Variants in ELP1 observed in about 807,000 individuals in gnomAD.
ELP1 encodes elongator acetyltransferase complex subunit 1.
ELP1 carries 131 observed loss-of-function variants against 183.2 expected under a neutral mutation model. The ratio of observed to expected loss-of-function variants is 0.72; its 90% CI spans 0.62 to 0.83. The LOEUF (loss-of-function observed/expected upper bound fraction) is 0.83, where lower values mean the gene tolerates loss of function less well. Ranked by LOEUF, ELP1 falls within the 40% of genes least tolerant of loss-of-function variation. The pLI is 0.00. For missense variants in ELP1, 1,550 were observed against 1,594.9 expected (o/e 0.97, Z 0.48); for synonymous variants, 555 against 569.0 (o/e 0.98, Z 0.35).
At chr9:108,916,785 G>A (rs1218243407) in intron 9 of ELP1, among the ~76,000 whole-genome samples, 1 of 152,100 alleles carries the variant, frequency 6.6e-6, no homozygotes. Flanking sequence ...GCAAAATGTT[G>A]GTATCTACTG....
chr9:108,931,382 T>G (rs188802056), intron 1 of ELP1, among the ~76,000 whole-genome samples, 181 bp from the exon 2 acceptor site: 11 of 152,232 alleles, frequency 7.2e-5, no homozygotes, highest in Non-Finnish European at 1.6e-4. Context: ...TATACAGTTA[T>G]GGTCTACAAA....
At chr9:108,921,774 A>G (rs1463011757) in intron 6 of ELP1, among the ~76,000 whole-genome samples, 1 of 152,232 alleles carries the variant, frequency 6.6e-6, no homozygotes, top group African/African-American at 2.4e-5. Flanking sequence ...AATTAGACCC[A>G]CTATGCATAT....
intron 29 of ELP1, among the ~76,000 whole-genome samples, chr9:108,883,987 G>T (rs1183078391): frequency 6.6e-6 from 1 of 151,332 alleles, no homozygotes; most frequent in Non-Finnish European, 1.5e-5. Flanking sequence ...GACAGAGATT[G>T]TCAAATTAGA....
chr9:108,869,270 C>T, intron 36 of ELP1, 88 bp from the exon 37 acceptor site: 1 of 1,101,692 alleles, frequency 9.1e-7, no homozygotes, highest in South Asian at 1.2e-5. Context: ...ACAAACTAGG[C>T]AGGTGGAGTT....
Position 108,872,808 on chromosome 9 carries a change from A to G in ELP1, c.3931+2087T>C, listed in dbSNP as rs1404989587. Among the ~76,000 whole-genome samples, 57 of 23,246 alleles carry G rather than the reference A, an allele frequency of 2.5e-3. No individual in the cohort carries two copies. The East Asian group carries it at 0.038, about 15-fold the overall frequency. The allele number at this position is 23,246 out of a possible 152,430, so 15.3% of individuals were successfully genotyped here. On this transcript the variant is annotated intron_variant, in intron 36 of 36. Transcript: ENST00000374647. ...CCACAGAGCAAGACTCTGTCTGAAA[A>G]AAAAAAAAAAAAAAAAAAAAAAAAA...
intron 16 of ELP1, among the ~76,000 whole-genome samples, chr9:108,902,551 C>T (rs146948849): frequency 5.9e-5 from 9 of 152,176 alleles, no homozygotes; most frequent in African/African-American, 2.2e-4. Context: ...ATTTCTGTTT[C>T]CCCTCCTAAA....
chr9:108,902,054 C>T (rs1477880242), intron 16 of ELP1, among the ~76,000 whole-genome samples: 1 of 152,196 alleles, frequency 6.6e-6, no homozygotes, highest in Non-Finnish European at 1.5e-5. Context: ...TATTAAAAAT[C>T]ACAAGAAGTT....
intron 20 of ELP1, among the ~76,000 whole-genome samples, chr9:108,899,489 T>C (rs1485094027): frequency 1.3e-5 from 2 of 152,152 alleles, no homozygotes; most frequent in African/African-American, 4.8e-5. Flanking sequence ...GTGGGCTTTC[T>C]ACTTGAATAA....
Position 108,922,847 on chromosome 9 carries a change from G to A in ELP1, c.547C>T (p.Gln183Ter). 1 of 1,612,432 alleles carries A rather than the reference G, an allele frequency of 6.2e-7. No homozygotes were observed. The highest frequency in any genetic ancestry group is 8.5e-7 in the Non-Finnish European group (1 of 1,178,540). The part of the protein sequence containing the change: ...SEGRQAAFQM[Q>*]MHESALPWDD... ...ATCCATCAAACCAAACTTACCATTT[G>A]CATCTGAAAAGCTGCTTGTCTGCCT... Residue 183 changes from glutamine to a stop codon, truncating the protein, a stop_gained, in exon 6 of 37, where the codon CAA (glutamine) becomes TAA (stop). Transcript: ENST00000374647. LOFTEE classifies it high-confidence loss of function.
chr9:108,874,769 T>C, intron 36 of ELP1, 126 bp downstream of exon 36: 1 of 727,302 alleles, frequency 1.4e-6, no homozygotes, highest in Admixed American at 1.9e-5. Flanking sequence ...GAGGAAGAAT[T>C]GTAGTCAATT....
chr9:108,911,360 C>T (rs957272109), intron 11 of ELP1, among the ~76,000 whole-genome samples, 180 bp from the exon 12 acceptor site: 2 of 152,118 alleles, frequency 1.3e-5, no homozygotes, highest in Non-Finnish European at 2.9e-5. Flanking sequence ...TGGGTTCTGT[C>T]CATAATTGGC....
rs3818875 is a variant in ELP1, at chr9:108,878,244, G to T, written c.3701-95C>A. ...TCTATCCAAAGCCAAAAATTTCTAT[G>T]ATCCCACTGCAGGTCCTTTCTCCCA... On this transcript the variant is annotated intron_variant, in intron 34 of 36. Transcript: ENST00000374647. 11 of 1,011,962 alleles carry T rather than the reference G, an allele frequency of 1.1e-5. No homozygotes were observed. The East Asian group carries it at 2.5e-4, about 23-fold the overall frequency. The allele number at this position is 1,011,962 out of a possible 1,614,324, so 62.7% of individuals were successfully genotyped here. A position where few individuals can be genotyped will look rare whatever the true frequency, so the allele number is the denominator to read the frequency against.
At chr9:108,916,718 A>G (rs564403903) in intron 9 of ELP1, among the ~76,000 whole-genome samples, 1 of 152,322 alleles carries the variant, frequency 6.6e-6, no homozygotes, top group South Asian at 2.1e-4. Flanking sequence ...AAATAAAAAT[A>G]TATGTAAGTA....
chr9:108,893,789 A>G (rs539301830), intron 26 of ELP1, among the ~76,000 whole-genome samples, 154 bp downstream of exon 26: 1 of 152,344 alleles, frequency 6.6e-6, no homozygotes, highest in Admixed American at 6.5e-5. Context: ...TTTTCAGAAC[A>G]CAGGACAAAA....
rs1037251158 is a variant in ELP1 at position 108,882,610 on chromosome 9, T to C, written c.3223-423A>G. On this transcript the variant is annotated intron_variant, in intron 29 of 36. Transcript: ENST00000374647. ...TTTTTTGTTCTTTTTTTTTTTTTTT[T>C]CTCAGACAGGGTCTCACTCTGTCGC... Among the ~76,000 whole-genome samples, 11 of 151,056 alleles carry C rather than the reference T, an allele frequency of 7.3e-5. No individual in the cohort carries two copies. The East Asian group carries it at 1.4e-3, about 19-fold the overall frequency.
At chr9:108,883,561 G>GAA (rs111243932) in intron 29 of ELP1, among the ~76,000 whole-genome samples, 158 of 144,140 alleles carry the variant, frequency 1.1e-3, no homozygotes, top group Middle Eastern at 3.5e-3. Flanking sequence ...GAATCTTTTG[G>GAA]AAAAAAAAAA....
rs570569313 is a variant in ELP1, at chr9:108,923,061, G to A, written c.467-134C>T. 105 of 750,488 alleles carry A rather than the reference G, an allele frequency of 1.4e-4. No individual in the cohort carries two copies. The African/African-American group carries it at 1.5e-3, about 11-fold the overall frequency. 46.5% of individuals were successfully genotyped at this position (750,488 alleles called of 1,614,324 possible). A position where few individuals can be genotyped will look rare whatever the true frequency, so the allele number is the denominator to read the frequency against. Reference sequence around the variant, plus strand: ...ACGCCTCTCAATAAATTGACCAGCAGTCAATATTTGAGAAACCTATGTTTC... The same window carrying A: ...ACGCCTCTCAATAAATTGACCAGCAATCAATATTTGAGAAACCTATGTTTC... On this transcript the variant is annotated intron_variant, in intron 5 of 36. Coordinates refer to ENST00000374647, the MANE Select transcript of ELP1 (RefSeq NM_003640.5).
intron 15 of ELP1, 125 bp downstream of exon 15, chr9:108,903,438 G>C: frequency 5.5e-6 from 4 of 730,916 alleles, no homozygotes; most frequent in Non-Finnish European, 9.7e-6. Context: ...CTAAAGCTTA[G>C]GGTTTTCCAG....
intron 10 of ELP1, among the ~76,000 whole-genome samples, chr9:108,913,003 G>C (rs979552788): frequency 6.6e-6 from 1 of 151,566 alleles, no homozygotes; most frequent in East Asian, 1.9e-4. Context: ...CTTGTGATCC[G>C]CCTGCCTCGG....
Sources: gnomAD v4.1 joint callset for allele counts (sites outside exome capture counted in the v4.1 genomes callset) on GRCh38, gnomAD v4.1.1 for gene constraint, MANE v1.5 for transcripts, NCBI Gene and HGNC (gene_info 2026-07-23, HGNC 2026-07-21) for gene names.